The following GRXCR2 variants were observed in gnomAD, a reference collection of about 807,000 sequenced individuals.
The protein encoded by GRXCR2 is glutaredoxin and cysteine rich domain containing 2.
GRXCR2 carries 23 observed loss-of-function variants against 24.8 expected under a neutral mutation model. That is an observed-to-expected ratio of 0.93 (90% confidence interval 0.67 to 1.32). The LOEUF (loss-of-function observed/expected upper bound fraction) is 1.32, where lower values mean the gene tolerates loss of function less well. Among genes scored for constraint, GRXCR2 ranks in the 40% most tolerant of loss-of-function variants. The pLI, the probability that GRXCR2 is intolerant of heterozygous loss-of-function variation, is 0.00. For missense variants in GRXCR2, 315 were observed against 303.4 expected, an observed-to-expected ratio of 1.04 and a Z score of -0.28; for synonymous variants, 130 against 116.1, an observed-to-expected ratio of 1.12 and a Z score of -0.77.
At chr5:145,870,716 G>A (rs1032133211) in intron 1 of GRXCR2, among the ~76,000 whole-genome samples, 1 of 152,088 alleles carries the variant, frequency 6.6e-6, no homozygotes. Flanking sequence ...ATACCACATT[G>A]ACAAATGATT....
intron 1 of GRXCR2, among the ~76,000 whole-genome samples, chr5:145,869,721 C>A (rs773447753): frequency 5.6e-4 from 86 of 152,226 alleles, no homozygotes; most frequent in Non-Finnish European, 1.0e-3. Context: ...CCACACCTGG[C>A]TAATTTTTTG....
upstream of GRXCR2, among the ~76,000 whole-genome samples, chr5:145,874,246 C>G (rs945683242): frequency 5.3e-5 from 8 of 151,480 alleles, no homozygotes; most frequent in African/African-American, 1.9e-4. Context: ...ACTCTGTTGC[C>G]AGGCTGGAGT....
intron 2 of GRXCR2, among the ~76,000 whole-genome samples, chr5:145,928,112 C>A (rs1356913640): frequency 1.3e-5 from 2 of 151,870 alleles, no homozygotes; most frequent in Non-Finnish European, 2.9e-5. Context: ...AGACACTTCT[C>A]AAAAGAAGAC....
intron 2 of GRXCR2, among the ~76,000 whole-genome samples, chr5:145,864,279 T>C (rs1756390271): frequency 6.6e-6 from 1 of 151,784 alleles, no homozygotes; most frequent in Non-Finnish European, 1.5e-5. Context: ...GATGGGGAGA[T>C]GGGCAGTGTG....
chr5:145,907,618 G>T (rs1245586153), intron 2 of GRXCR2, among the ~76,000 whole-genome samples: 3 of 152,170 alleles, frequency 2.0e-5, no homozygotes, highest in Non-Finnish European at 4.4e-5. Flanking sequence ...CCAAGAGAGA[G>T]GGTGGTGACT....
rs370169320 is a variant in GRXCR2, at chr5:145,865,687, G to A, written c.564+814C>T. 3.2e-4 allele frequency among the ~76,000 whole-genome samples: 48 copies of A among 152,252 alleles called. 1 individual carries two copies. In the East Asian group the frequency reaches 8.5e-3, roughly 27 times the overall value. Reference sequence around the variant, plus strand: ...TTTCAGCACATTGCAACATGTTGCAGTTTACTTGTGCCTGGTCTAGTGGAT... The same window carrying A: ...TTTCAGCACATTGCAACATGTTGCAATTTACTTGTGCCTGGTCTAGTGGAT... On this transcript the variant is annotated intron_variant, in intron 2 of 2. Transcript: ENST00000377976.
intron 2 of GRXCR2, among the ~76,000 whole-genome samples, chr5:145,916,102 G>A (rs1017738204): frequency 4.6e-5 from 7 of 152,096 alleles, no homozygotes; most frequent in Non-Finnish European, 7.4e-5. Context: ...TGTGGGAGGC[G>A]AGGAGGTGGA....
At position 145,866,552 on chromosome 5, in the gene GRXCR2, A is replaced by G. The variant is rs1486453905; in HGVS notation, c.513T>C (p.Asp171=). 2 of 1,614,170 alleles carry G rather than the reference A, an allele frequency of 1.2e-6. No individual in the cohort carries two copies. Among genetic ancestry groups the G allele is most frequent in the East Asian group, 4.5e-5 (2 of 44,872 alleles). ...TGCTTTCTGCCTCCACCAAAGGTCT[A>G]TCGTGCTGGTCCCTGCCTCCATAGC... ...EESYGGRDQH[D]RPLVEAESTL... The change falls in exon 2 of 3, where the codon GAT becomes GAC. Residue 171 remains aspartate, a synonymous_variant. Transcript: ENST00000377976.
chr5:145,875,271 T>C (rs1430468163), upstream of GRXCR2, among the ~76,000 whole-genome samples: 2 of 152,262 alleles, frequency 1.3e-5, no homozygotes, highest in Non-Finnish European at 1.5e-5. Context: ...AAGAGGTGGC[T>C]GGGCGCGGTG....
intron 2 of GRXCR2, among the ~76,000 whole-genome samples, chr5:145,890,597 A>C (rs1756849412): frequency 6.6e-6 from 1 of 152,184 alleles, no homozygotes; most frequent in Non-Finnish European, 1.5e-5. Flanking sequence ...CCACTAGACC[A>C]GTCTTATAAG....
In GRXCR2 at chr5:145,859,667, G is replaced by A. The variant is rs380599; in HGVS notation, c.*66C>T. On this transcript the variant is annotated 3_prime_UTR_variant, in exon 3 of 3. Coordinates refer to ENST00000377976, the MANE Select transcript of GRXCR2 (RefSeq NM_001080516.2). ...GTTGGGAGAGGCAGGAGGAGGAGAAGGGGGCGGTTTATTAGAAATAACTTT... is the reference window on the plus strand; with the variant it reads ...GTTGGGAGAGGCAGGAGGAGGAGAAAGGGGCGGTTTATTAGAAATAACTTT... 1 of 1,485,086 alleles carries A rather than the reference G, an allele frequency of 6.7e-7. No individual in the cohort carries two copies. Among genetic ancestry groups the A allele is most frequent in the South Asian group, 1.2e-5 (1 of 86,670 alleles). 92.0% of individuals were successfully genotyped at this position (1,485,086 alleles called of 1,614,324 possible). A position where few individuals can be genotyped will look rare whatever the true frequency, so the allele number is the denominator to read the frequency against.
At chr5:145,912,383 A>G (rs1581352518) in intron 2 of GRXCR2, among the ~76,000 whole-genome samples, 1 of 151,590 alleles carries the variant, frequency 6.6e-6, no homozygotes, top group Non-Finnish European at 1.5e-5. Flanking sequence ...GGATGAAATG[A>G]CCCCTCTTTC....
intron 2 of GRXCR2, among the ~76,000 whole-genome samples, chr5:145,896,277 C>A (rs1261372111): frequency 6.6e-6 from 1 of 152,148 alleles, no homozygotes; most frequent in Non-Finnish European, 1.5e-5. Context: ...CCAAAATTGA[C>A]AAACGGGATG....
At position 145,926,545 on chromosome 5, in the gene GRXCR2, C is replaced by T. The variant is rs545460875; in HGVS notation, c.-70+9156G>A. 2.5e-3 allele frequency among the ~76,000 whole-genome samples: 386 copies of T among 152,132 alleles called. 1 individual carries two copies. The highest frequency in any genetic ancestry group is 8.4e-3 in the African/African-American group (349 of 41,526). ...CAAAGATCAGATGGTTTTAGAAATG[C>T]GGCATTATTTCTGAGGGCTCTGTTC... On this transcript the variant is annotated intron_variant, in intron 2 of 3. Transcript: ENST00000639411.
chr5:145,868,933 G>A (rs1166959263), intron 1 of GRXCR2, among the ~76,000 whole-genome samples: 2 of 152,198 alleles, frequency 1.3e-5, no homozygotes, highest in African/African-American at 4.8e-5. Flanking sequence ...TGTCAATGGG[G>A]AACACCCAGT....
At chr5:145,931,157 T>G (rs1055107556) in intron 2 of GRXCR2, among the ~76,000 whole-genome samples, 2 of 152,148 alleles carry the variant, frequency 1.3e-5, no homozygotes, top group African/African-American at 4.8e-5. Context: ...TCAGCCTCCC[T>G]AGTAGCTGGG....
chr5:145,892,800 C>T (rs1437721960), intron 2 of GRXCR2, among the ~76,000 whole-genome samples: 4 of 152,078 alleles, frequency 2.6e-5, no homozygotes, highest in South Asian at 2.1e-4. Context: ...AGATACTCCT[C>T]GAGAAGAGCA....
chr5:145,875,091 A>G (rs1756591833), upstream of GRXCR2, among the ~76,000 whole-genome samples: 1 of 152,166 alleles, frequency 6.6e-6, no homozygotes, highest in East Asian at 1.9e-4. Context: ...TCAACTGTGA[A>G]CATCTTGCAG....
At chr5:145,886,267 T>C (rs1349258115) in intron 2 of GRXCR2, among the ~76,000 whole-genome samples, 1 of 152,212 alleles carries the variant, frequency 6.6e-6, no homozygotes, top group African/African-American at 2.4e-5. Context: ...GGAATATCTG[T>C]AAATCTCCAG....
Sources: allele counts gnomAD v4.1 joint callset (sites outside exome capture counted in the v4.1 genomes callset), GRCh38; gene constraint gnomAD v4.1.1; transcripts MANE v1.5; gene names NCBI Gene and HGNC (gene_info 2026-07-23, HGNC 2026-07-21).